FBXO21: variants seen among roughly 807,000 people sequenced by gnomAD.
FBXO21 encodes F-box only protein 21.
In FBXO21, 32 loss-of-function variants were observed where a neutral mutation model predicts 76.6. That is an observed-to-expected ratio of 0.42 (90% CI 0.32 to 0.56). The LOEUF (loss-of-function observed/expected upper bound fraction) is 0.56. FBXO21 is among the 20% of genes least tolerant of loss of function. The pLI is 0.16. For missense variants in FBXO21, 586 were observed against 797.3 expected, an observed-to-expected ratio of 0.73 and a Z score of 3.19; for synonymous variants, 328 against 311.5, an observed-to-expected ratio of 1.05 and a Z score of -0.56.
chr12:117,162,965 G>C (rs1320626689), intron 9 of FBXO21, among the ~76,000 whole-genome samples: 2 of 152,116 alleles, frequency 1.3e-5, no homozygotes, highest in Non-Finnish European at 2.9e-5. Flanking sequence ...GAGGAACCTT[G>C]TCCGATTTCT....
At chr12:117,150,959 TGTGTGTG>T (rs763803989) in intron 11 of FBXO21, among the ~76,000 whole-genome samples, 13 of 38,888 alleles carry the variant, frequency 3.3e-4, no homozygotes, top group South Asian at 1.8e-3. Flanking sequence ...AATAAGTTTG[TGTGTGTG>T]TGTGTGTGTG....
intron 3 of FBXO21, among the ~76,000 whole-genome samples, chr12:117,185,202 T>C (rs1207415621): frequency 9.4e-6 from 1 of 106,376 alleles, no homozygotes; most frequent in Non-Finnish European, 2.4e-5. Context: ...CAATACTGAC[T>C]ACTAGATCAT....
At chr12:117,150,540 T>C (rs1955825452) in intron 11 of FBXO21, among the ~76,000 whole-genome samples, 1 of 152,194 alleles carries the variant, frequency 6.6e-6, no homozygotes, top group Admixed American at 6.5e-5. Context: ...CAAAACGTAT[T>C]CTAACCACTC....
intron 9 of FBXO21, among the ~76,000 whole-genome samples, chr12:117,160,650 G>C (rs768854678): frequency 6.6e-5 from 10 of 152,024 alleles, no homozygotes; most frequent in Non-Finnish European, 1.2e-4. Context: ...TTGAGACAGG[G>C]TCTCACCCTG....
At chr12:117,163,672 G>T (rs530899292) in intron 9 of FBXO21, among the ~76,000 whole-genome samples, 1 of 152,154 alleles carries the variant, frequency 6.6e-6, no homozygotes, top group East Asian at 1.9e-4. Flanking sequence ...GCTGGGTGTG[G>T]TGTCTCACGC....
chr12:117,159,475 C>A (rs537328442), intron 9 of FBXO21, among the ~76,000 whole-genome samples: 1 of 152,094 alleles, frequency 6.6e-6, no homozygotes, highest in Non-Finnish European at 1.5e-5. Flanking sequence ...CTAGCAAGAG[C>A]AGGAGCATTT....
chr12:117,176,000 GA>G (rs1956169640), intron 4 of FBXO21, among the ~76,000 whole-genome samples: 1 of 152,186 alleles, frequency 6.6e-6, no homozygotes, highest in Non-Finnish European at 1.5e-5. Context: ...GTATACAAAT[GA>G]GGGGATTCTA....
intron 3 of FBXO21, among the ~76,000 whole-genome samples, chr12:117,184,042 G>C (rs1009619562): frequency 1.3e-5 from 2 of 150,898 alleles, no homozygotes; most frequent in African/African-American, 4.9e-5. Flanking sequence ...TGTGCTGTTT[G>C]GATTATAAGT....
chr12:117,183,313 C>T (rs1419931487), intron 3 of FBXO21, among the ~76,000 whole-genome samples: 6 of 151,604 alleles, frequency 4.0e-5, no homozygotes, highest in African/African-American at 7.3e-5. Context: ...TGCAATGGCG[C>T]GATCTCGGCT....
At chr12:117,147,948 C>T (rs960741363) in intron 11 of FBXO21, among the ~76,000 whole-genome samples, 1 of 152,208 alleles carries the variant, frequency 6.6e-6, no homozygotes, top group Admixed American at 6.5e-5. Flanking sequence ...TGAATTAATA[C>T]CAGTAAGGCC....
intron 10 of FBXO21, among the ~76,000 whole-genome samples, chr12:117,157,234 C>T (rs983658841): frequency 1.3e-5 from 2 of 151,324 alleles, no homozygotes; most frequent in Non-Finnish European, 2.9e-5. Flanking sequence ...TTTGAATAGG[C>T]GCTTAATAAA....
chr12:117,166,333 AG>A (rs1384618745), intron 8 of FBXO21, among the ~76,000 whole-genome samples: 7 of 152,214 alleles, frequency 4.6e-5, no homozygotes, highest in African/African-American at 9.6e-5. Flanking sequence ...TGACACCAAG[AG>A]TGAACCCTCA....
chr12:117,158,460 A>C (rs1323286339), intron 9 of FBXO21, among the ~76,000 whole-genome samples: 1 of 152,180 alleles, frequency 6.6e-6, no homozygotes, highest in Non-Finnish European at 1.5e-5. Context: ...AAATGTGAGA[A>C]TCCACGTTTT....
Position 117,146,075 on chromosome 12 carries a change from CCT to C in FBXO21, c.*10_*11del, listed in dbSNP as rs1215031228. 5 of 1,560,614 alleles carry C rather than the reference CCT, an allele frequency of 3.2e-6. No homozygotes were observed. The highest frequency in any genetic ancestry group is 4.3e-6 in the Non-Finnish European group (5 of 1,156,130). On this transcript the variant is annotated 3_prime_UTR_variant, in exon 12 of 12. Transcript: ENST00000622495. ...AGCAGCAGCAGCAAAGGTGCAATGT[CCT>C]CTCTAGACTTTACTCATCTATGTTC... is the stretch of plus-strand genomic sequence containing the variant.
chr12:117,178,506 C>A (rs148862845), intron 3 of FBXO21, among the ~76,000 whole-genome samples: 1 of 152,078 alleles, frequency 6.6e-6, no homozygotes, highest in African/African-American at 2.4e-5. Flanking sequence ...TTTCCCACCT[C>A]GCTCCAAGAA....
intron 11 of FBXO21, among the ~76,000 whole-genome samples, chr12:117,152,956 G>A (rs1483007898): frequency 6.6e-6 from 1 of 152,082 alleles, no homozygotes. Flanking sequence ...GAAGATGAAC[G>A]GAAGTGGGCT....
chr12:117,174,648 C>T lies in FBXO21; in HGVS notation c.739+3G>A, dbSNP rs1956155444. The T allele has an allele frequency of 1.2e-6, 2 of 1,613,938 alleles. No individual in the cohort carries two copies. The highest frequency in any genetic ancestry group is 1.7e-6 in the Non-Finnish European group (2 of 1,179,928). ...TACAGCTGGATCCAAAGCAATGCCA[C>T]ACCTGCCTTGAAGGCCAAGCTGGGG... On this transcript the variant is annotated splice_donor_region_variant and intron_variant, in intron 5 of 11. Coordinates refer to ENST00000622495, the MANE Select transcript of FBXO21 (RefSeq NM_015002.3).
At chr12:117,148,566 T>G (rs1955804981) in intron 11 of FBXO21, among the ~76,000 whole-genome samples, 1 of 151,946 alleles carries the variant, frequency 6.6e-6, no homozygotes, top group Non-Finnish European at 1.5e-5. Context: ...TGGCACAGAG[T>G]TTAAACTGGG....
intron 5 of FBXO21, 119 bp from the exon 6 acceptor site, chr12:117,174,460 A>C: frequency 7.8e-7 from 1 of 1,287,204 alleles, no homozygotes; most frequent in East Asian, 2.3e-5. Flanking sequence ...AAGTGTTGCC[A>C]ATCTAGGAAG....
Sources: gnomAD v4.1 joint callset for allele counts (sites outside exome capture counted in the v4.1 genomes callset) on GRCh38, gnomAD v4.1.1 for gene constraint, MANE v1.5 for transcripts, NCBI Gene and HGNC (gene_info 2026-07-23, HGNC 2026-07-21) for gene names.